Variants in UBALD2 observed in about 807,000 individuals in gnomAD.
UBALD2 encodes UBA-like domain-containing protein 2.
A neutral mutation model predicts 15.9 loss-of-function variants in UBALD2; 8 were observed. The ratio of observed to expected loss-of-function variants is 0.50; its 90% CI spans 0.29 to 0.91. The LOEUF (loss-of-function observed/expected upper bound fraction) is 0.91, where lower values mean the gene tolerates loss of function less well. Ranked by LOEUF, UBALD2 falls within the 40% of genes least tolerant of loss-of-function variation. The pLI is 0.07. For synonymous variants in UBALD2, 113 were observed against 97.7 expected (o/e 1.16, Z -0.93); for missense variants, 178 against 234.8 (o/e 0.76, Z 1.58).
chr17:76,268,108 A>G (rs1324295794), intron 2 of UBALD2, among the ~76,000 whole-genome samples: 4 of 152,240 alleles, frequency 2.6e-5, no homozygotes, highest in Non-Finnish European at 4.4e-5. Flanking sequence ...CATAGTTGGA[A>G]GCTTCCCAGT....
In UBALD2 at chr17:76,270,588, C is replaced by T. The variant is rs934167248; in HGVS notation, c.*83C>T. 196 of 1,031,458 alleles carry T rather than the reference C, an allele frequency of 1.9e-4. No individual in the cohort carries two copies. Among genetic ancestry groups the T allele is most frequent in the Non-Finnish European group, 2.4e-4 (184 of 759,048 alleles). The allele number at this position is 1,031,458 out of a possible 1,614,324, so 63.9% of individuals were successfully genotyped here. A position where few individuals can be genotyped will look rare whatever the true frequency, so the allele number is the denominator to read the frequency against. On this transcript the variant is annotated 3_prime_UTR_variant, in exon 3 of 3. Transcript: ENST00000327490. ...ACAGGAGGGCCAGGGAGGGGGGAGC[C>T]GGGGAGGGCAGGGGGTTTCCCGAAG...
intron 1 of UBALD2, 91 bp from the exon 2 acceptor site, chr17:76,265,816 G>A: frequency 1.3e-6 from 2 of 1,498,370 alleles, no homozygotes; most frequent in Admixed American, 2.0e-5. Flanking sequence ...CGCGGGCCGG[G>A]CGCGGAGGCG....
rs758666189 is a variant in UBALD2, at chr17:76,265,901, C to T, written c.121-6C>T. 8.1e-6 allele frequency: 13 copies of T among 1,603,036 alleles called. No individual in the cohort carries two copies. The highest frequency in any genetic ancestry group is 9.4e-6 in the Non-Finnish European group (11 of 1,175,504). Reference sequence around the variant, plus strand: ...CCCGCCGTGTCACTGCCCTGTTTGTCCGCAGACCGCGCTGAGCACGTTCTT... The same window carrying T: ...CCCGCCGTGTCACTGCCCTGTTTGTTCGCAGACCGCGCTGAGCACGTTCTT... On this transcript the variant is annotated splice_region_variant and splice_polypyrimidine_tract_variant and intron_variant, in intron 1 of 2. Coordinates refer to ENST00000327490, the MANE Select transcript of UBALD2 (RefSeq NM_182565.4).
rs1722846595 is a variant in UBALD2 at position 76,269,341 on chromosome 17, A to G, written c.184-853A>G. Among the ~76,000 whole-genome samples the G allele has an allele frequency of 6.6e-6, 1 of 152,148 alleles. No individual in the cohort carries two copies. The highest frequency in any genetic ancestry group is 1.5e-5 in the Non-Finnish European group (1 of 68,018). On this transcript the variant is annotated intron_variant, in intron 2 of 2. Coordinates refer to ENST00000327490, the MANE Select transcript of UBALD2 (RefSeq NM_182565.4). This position sits in a 1 kb window ranked among gnomAD's most constrained non-coding sequence, Gnocchi z 4.6. ...CCCAGGAAGAGGACTGAGGGGCTGG[A>G]CAGACTGAGAAACTGCCAGCCTGCA... is the stretch of plus-strand genomic sequence containing the variant.
rs765656813 is a variant in UBALD2 at position 76,265,893 on chromosome 17, C to T, written c.121-14C>T. Reference sequence around the variant, plus strand: ...CCGCCTGGCCCGCCGTGTCACTGCCCTGTTTGTCCGCAGACCGCGCTGAGC... The same window carrying T: ...CCGCCTGGCCCGCCGTGTCACTGCCTTGTTTGTCCGCAGACCGCGCTGAGC... On this transcript the variant is annotated splice_polypyrimidine_tract_variant and intron_variant, in intron 1 of 2. Coordinates refer to ENST00000327490, the MANE Select transcript of UBALD2 (RefSeq NM_182565.4). 6.2e-7 allele frequency: 1 copy of T among 1,601,082 alleles called. No homozygotes were observed. Among genetic ancestry groups the T allele is most frequent in the Non-Finnish European group, 8.5e-7 (1 of 1,174,534 alleles).
In UBALD2 at chr17:76,267,447, A is replaced by C. The variant is rs1286963774; in HGVS notation, c.183+1478A>C. ...GCCCAAGTCTGAGTGCCTTAGCAGC[A>C]CAGTGGAGGACACCATCCCTGCTCT... On this transcript the variant is annotated intron_variant, in intron 2 of 2. Transcript: ENST00000327490. 2.0e-5 allele frequency among the ~76,000 whole-genome samples: 3 copies of C among 151,012 alleles called. No individual in the cohort carries two copies. In the East Asian group the frequency reaches 5.8e-4, roughly 29 times the overall value.
intron 2 of UBALD2, among the ~76,000 whole-genome samples, chr17:76,268,826 C>T (rs751406091): frequency 4.4e-4 from 66 of 151,572 alleles, no homozygotes; most frequent in Admixed American, 2.9e-3. Context: ...CTCCACCTCC[C>T]GGGTTCAAGT....
Position 76,265,599 on chromosome 17 carries a change from C to T in UBALD2, c.94C>T (p.Leu32=). 2 of 1,315,242 alleles carry T rather than the reference C, an allele frequency of 1.5e-6. No homozygotes were observed. Among genetic ancestry groups the T allele is most frequent in the South Asian group, 1.6e-5 (1 of 62,556 alleles). 81.5% of individuals were successfully genotyped at this position (1,315,242 alleles called of 1,614,324 possible). The change falls in exon 1 of 3, where the codon CTG becomes TTG. Residue 32 remains leucine (L), a synonymous_variant. Transcript: ENST00000327490. ...GCAADQAKQL[L]QAAHWQFETA... ...CGCGGCCGACCAGGCGAAGCAGTTG[C>T]TGCAGGCGGCCCACTGGCAGTTCGA...
Position 76,270,734 on chromosome 17 carries a change from CTATAA to C in UBALD2, c.*234_*238del. 2.4e-6 allele frequency: 1 copy of C among 423,936 alleles called. No individual in the cohort carries two copies. Among genetic ancestry groups the C allele is most frequent in the Non-Finnish European group, 4.1e-6 (1 of 243,154 alleles). 26.3% of individuals were successfully genotyped at this position (423,936 alleles called of 1,614,324 possible). A position where few individuals can be genotyped will look rare whatever the true frequency, so the allele number is the denominator to read the frequency against. On this transcript the variant is annotated 3_prime_UTR_variant, in exon 3 of 3. Coordinates refer to ENST00000327490, the MANE Select transcript of UBALD2 (RefSeq NM_182565.4). ...TTTTTCCTCTGTTTTTAATATATAA[CTATAA>C]TATATATGAATAGATAAATATAACT...
At chr17:76,270,158 G>C (rs199957451) in intron 2 of UBALD2, 36 bp from the exon 3 acceptor site, 9 of 1,587,120 alleles carry the variant, frequency 5.7e-6, no homozygotes, top group Middle Eastern at 2.1e-4. Context: ...GGGGACCCCC[G>C]AGGCAGCCTC....
intron 2 of UBALD2, among the ~76,000 whole-genome samples, chr17:76,268,737 T>TG (rs1431813203): frequency 2.7e-5 from 4 of 149,484 alleles, no homozygotes; most frequent in African/African-American, 1.0e-4. Context: ...CTCTGTTTTT[T>TG]TTTTTTTTTT....
intron 2 of UBALD2, among the ~76,000 whole-genome samples, chr17:76,268,379 C>A (rs1242964345): frequency 6.6e-6 from 1 of 152,138 alleles, no homozygotes; most frequent in Non-Finnish European, 1.5e-5. Flanking sequence ...ACAGGCCTCG[C>A]TGGCTGGCGG....
chr17:76,265,600 T>G lies in UBALD2; in HGVS notation c.95T>G (p.Leu32Arg). Residue 32 changes from leucine to arginine, a missense_variant, in exon 1 of 3, where the codon CTG becomes CGG. Physicochemically the swap from Leu to Arg is moderately radical, Grantham distance 102. Transcript: ENST00000327490. ...GCGGCCGACCAGGCGAAGCAGTTGC[T>G]GCAGGCGGCCCACTGGCAGTTCGAG... ...GCAADQAKQL[L>R]QAAHWQFETA... The G allele has an allele frequency of 7.6e-7, 1 of 1,313,666 alleles. No homozygotes were observed. Among genetic ancestry groups the G allele is most frequent in the East Asian group, 4.3e-5 (1 of 23,364 alleles). The allele number at this position is 1,313,666 out of a possible 1,614,324, so 81.4% of individuals were successfully genotyped here.
intron 2 of UBALD2, among the ~76,000 whole-genome samples, chr17:76,267,316 A>G (rs992655714): frequency 6.6e-6 from 1 of 152,030 alleles, no homozygotes; most frequent in Admixed American, 6.5e-5. Flanking sequence ...TTTAGTTCCT[A>G]TTGCCCCTCC....
At chr17:76,267,847 C>T (rs921321629) in intron 2 of UBALD2, among the ~76,000 whole-genome samples, 1 of 151,796 alleles carries the variant, frequency 6.6e-6, no homozygotes, top group Admixed American at 6.6e-5. Context: ...TTAGTAGAGA[C>T]GGGGTTTCTC....
In UBALD2 at chr17:76,270,601, G is replaced by C; in HGVS notation, c.*96G>C. 1 of 1,168,640 alleles carries C rather than the reference G, an allele frequency of 8.6e-7. No homozygotes were observed. The highest frequency in any genetic ancestry group is 1.1e-6 in the Non-Finnish European group (1 of 883,416). 72.4% of individuals were successfully genotyped at this position (1,168,640 alleles called of 1,614,324 possible). On this transcript the variant is annotated 3_prime_UTR_variant, in exon 3 of 3. Coordinates refer to ENST00000327490, the MANE Select transcript of UBALD2 (RefSeq NM_182565.4). ...GGAGGGGGGAGCCGGGGAGGGCAGG[G>C]GGTTTCCCGAAGATCGCACTGGAAG...
chr17:76,268,388 G>A lies in UBALD2; in HGVS notation c.184-1806G>A, dbSNP rs201902956. ...GAGGAGACAGGCCTCGCTGGCTGGC[G>A]GGGAACTGGGGAAGTCGGTCACGAT... On this transcript the variant is annotated intron_variant, in intron 2 of 2. Coordinates refer to ENST00000327490, the MANE Select transcript of UBALD2 (RefSeq NM_182565.4). 2.6e-5 allele frequency among the ~76,000 whole-genome samples: 4 copies of A among 152,306 alleles called. No individual in the cohort carries two copies. In the East Asian group the frequency reaches 7.7e-4, roughly 29 times the overall value.
chr17:76,268,369 A>C (rs2070559975), intron 2 of UBALD2, among the ~76,000 whole-genome samples: 1 of 152,162 alleles, frequency 6.6e-6, no homozygotes, highest in Non-Finnish European at 1.5e-5. Flanking sequence ...GTTTGAGGAG[A>C]CAGGCCTCGC....
In UBALD2 at chr17:76,271,168, C is replaced by G; in HGVS notation, c.*663C>G. 1 of 77,608 alleles carries G rather than the reference C, an allele frequency of 1.3e-5. No individual in the cohort carries two copies. Among genetic ancestry groups the G allele is most frequent in the Non-Finnish European group, 3.2e-5 (1 of 31,696 alleles). The allele number at this position is 77,608 out of a possible 1,614,324, so 4.8% of individuals were successfully genotyped here. A position where few individuals can be genotyped will look rare whatever the true frequency, so the allele number is the denominator to read the frequency against. On this transcript the variant is annotated 3_prime_UTR_variant, in exon 3 of 3. Transcript: ENST00000327490. ...CAGGGGACTTGACTGCCCTGGGCGC[C>G]CTGCCCCTCCCGCTGCGTGTCCAGG...
Sources: allele counts gnomAD v4.1 joint callset (sites outside exome capture counted in the v4.1 genomes callset), GRCh38; gene constraint gnomAD v4.1.1; non-coding constraint Gnocchi (gnomAD v3.1); transcripts MANE v1.5; gene names NCBI Gene and HGNC (gene_info 2026-07-23, HGNC 2026-07-21).